The following KLRG1 variants were observed in gnomAD, a reference collection of about 807,000 sequenced individuals.
The protein encoded by KLRG1 is killer cell lectin-like receptor subfamily G member 1.
In KLRG1, 16 loss-of-function variants were observed where a neutral mutation model predicts 21.8. The ratio of observed to expected loss-of-function variants is 0.73; its 90% CI spans 0.50 to 1.11. The LOEUF (loss-of-function observed/expected upper bound fraction) is 1.11, where lower values mean the gene tolerates loss of function less well. Ranked by LOEUF, KLRG1 falls within the 50% of genes most tolerant of loss-of-function variation. KLRG1 has a pLI of 0.00. For synonymous variants in KLRG1, 69 were observed against 75.9 expected (o/e 0.91, Z 0.47); for missense variants, 173 against 218.3 (o/e 0.79, Z 1.31).
At chr12:9,188,044 T>C in the KLRG1 span, among the ~76,000 whole-genome samples, 1 of 152,238 alleles carries the variant, frequency 6.6e-6, no homozygotes, top group African/African-American at 2.4e-5. Flanking sequence ...CCAAACGTCC[T>C]TGATGAACAT....
the KLRG1 span, among the ~76,000 whole-genome samples, chr12:9,208,901 A>G: frequency 6.6e-6 from 1 of 152,258 alleles, no homozygotes; most frequent in Non-Finnish European, 1.5e-5. Context: ...ATAAAAGATC[A>G]AAGAGATTTT....
chr12:9,193,787 C>T, the KLRG1 span, among the ~76,000 whole-genome samples: 4 of 152,178 alleles, frequency 2.6e-5, no homozygotes, highest in South Asian at 8.3e-4. Context: ...AAACAAAGTA[C>T]ATGAATTACT....
chr12:9,192,551 C>G, the KLRG1 span: 2 of 1,614,056 alleles, frequency 1.2e-6, no homozygotes, highest in African/African-American at 1.3e-5. Flanking sequence ...CTCCCATGGC[C>G]TGTCTATTCA....
At chr12:9,115,664 T>C in the KLRG1 span, 3 of 857,676 alleles carry the variant, frequency 3.5e-6, no homozygotes, top group Admixed American at 6.5e-5. Flanking sequence ...GATAAGAAGA[T>C]GACAGTATCA....
the KLRG1 span, among the ~76,000 whole-genome samples, chr12:9,177,765 A>C: frequency 6.6e-6 from 1 of 152,210 alleles, no homozygotes; most frequent in Non-Finnish European, 1.5e-5. Flanking sequence ...TCACTTCCAC[A>C]ACACTCAAAG....
chr12:9,069,859 C>T, the KLRG1 span: 1 of 1,558,066 alleles, frequency 6.4e-7, no homozygotes, highest in Non-Finnish European at 8.8e-7. Context: ...TAGATGAAAC[C>T]CCTGGGGGAT....
At chr12:8,999,392 A>G (rs1211749633) in intron 3 of KLRG1, among the ~76,000 whole-genome samples, 1 of 152,168 alleles carries the variant, frequency 6.6e-6, no homozygotes, top group Non-Finnish European at 1.5e-5. Context: ...TCTCTTCCTC[A>G]TTATCATAAT....
chr12:9,214,646 GGT>G, the KLRG1 span, among the ~76,000 whole-genome samples: 1 of 151,792 alleles, frequency 6.6e-6, no homozygotes, highest in African/African-American at 2.4e-5. Context: ...GCTTAACAAA[GGT>G]TATGAGATTA....
At chr12:9,091,852 T>C in the KLRG1 span, among the ~76,000 whole-genome samples, 1 of 152,204 alleles carries the variant, frequency 6.6e-6, no homozygotes, top group African/African-American at 2.4e-5. Context: ...CTTGGTTGTA[T>C]TAGGTCCTTA....
the KLRG1 span, chr12:9,200,474 G>A: frequency 4.6e-6 from 7 of 1,520,206 alleles, no homozygotes; most frequent in Non-Finnish European, 6.3e-6. Context: ...ATAGGAATAA[G>A]GAAGGTTGGT....
At chr12:9,183,019 A>G in the KLRG1 span, among the ~76,000 whole-genome samples, 1 of 152,206 alleles carries the variant, frequency 6.6e-6, no homozygotes, top group African/African-American at 2.4e-5. Flanking sequence ...GACAATACAT[A>G]GGATAACAGA....
At chr12:9,099,251 T>C in the KLRG1 span, 1 of 833,220 alleles carries the variant, frequency 1.2e-6, no homozygotes, top group East Asian at 2.7e-5. Context: ...ACTCTGCCAC[T>C]ACCTTGCTGA....
At chr12:9,046,899 G>C in the KLRG1 span, among the ~76,000 whole-genome samples, 1 of 152,104 alleles carries the variant, frequency 6.6e-6, no homozygotes, top group African/African-American at 2.4e-5. Flanking sequence ...TTGTCACCCA[G>C]GTTGGAGTGC....
chr12:9,066,885 C>T, the KLRG1 span: 5 of 152,326 alleles, frequency 3.3e-5, no homozygotes, highest in African/African-American at 1.2e-4. Context: ...TCCTCAGACT[C>T]TCTTGGCTCA....
chr12:9,192,661 T>G, the KLRG1 span: 1 of 1,614,050 alleles, frequency 6.2e-7, no homozygotes, highest in East Asian at 2.2e-5. Context: ...AAAACACGAT[T>G]TGCAGTGTGC....
the KLRG1 span, chr12:9,154,673 G>A: frequency 6.8e-6 from 11 of 1,614,056 alleles, no homozygotes; most frequent in Non-Finnish European, 8.5e-6. Context: ...ACTTCACAAT[G>A]TTAGTTGCAG....
chr12:8,970,870 A>G (rs1052958740), intron 1 of KLRG1, among the ~76,000 whole-genome samples: 1 of 151,986 alleles, frequency 6.6e-6, no homozygotes, highest in African/African-American at 2.4e-5. Context: ...CGTGATCTAT[A>G]TCTTTTTTCT....
At chr12:9,047,674 T>C in the KLRG1 span, among the ~76,000 whole-genome samples, 1 of 151,982 alleles carries the variant, frequency 6.6e-6, no homozygotes, top group Non-Finnish European at 1.5e-5. Context: ...TCACTGTAAA[T>C]ATAAAGGATA....
Position 9,009,908 on chromosome 12 carries a change from A to G in KLRG1, c.*371A>G. 6.6e-7 allele frequency: 1 copy of G among 1,519,882 alleles called. No homozygotes were observed. The highest frequency in any genetic ancestry group is 8.8e-7 in the Non-Finnish European group (1 of 1,138,672). The allele number at this position is 1,519,882 out of a possible 1,614,324, so 94.1% of individuals were successfully genotyped here. On this transcript the variant is annotated 3_prime_UTR_variant, in exon 5 of 5. Coordinates refer to ENST00000356986, the MANE Select transcript of KLRG1 (RefSeq NM_005810.4). ...CTAATCTGATAAAATCTATGCCAAT[A>G]TATACTATTGCTTGTGTACTAGAGA...
Sources: allele counts gnomAD v4.1 joint callset (sites outside exome capture counted in the v4.1 genomes callset), GRCh38; gene constraint gnomAD v4.1.1; transcripts MANE v1.5; gene names NCBI Gene and HGNC (gene_info 2026-07-23, HGNC 2026-07-21).